FAF2: variants seen among roughly 807,000 people sequenced by gnomAD.
FAF2 encodes FAS-associated factor 2.
In FAF2, 9 loss-of-function variants were observed where a neutral mutation model predicts 62.3. The ratio of observed to expected loss-of-function variants is 0.14; its 90% confidence interval spans 0.09 to 0.25. The LOEUF (loss-of-function observed/expected upper bound fraction) is 0.25, where lower values mean the gene tolerates loss of function less well. Ranked by LOEUF, FAF2 falls within the 10% of genes least tolerant of loss-of-function variation. The probability of loss-of-function intolerance (pLI) is 1.00; values close to 1 mark genes in which losing one functional copy is unlikely to be tolerated. For synonymous variants in FAF2, 202 were observed against 198.0 expected, an observed-to-expected ratio of 1.02 and a Z score of -0.17; for missense variants, 368 against 556.2, an observed-to-expected ratio of 0.66 and a Z score of 3.40.
intron 5 of FAF2, among the ~76,000 whole-genome samples, chr5:176,492,533 C>T (rs901275595): frequency 6.6e-6 from 1 of 152,180 alleles, no homozygotes. Flanking sequence ...CTTTTGAGGT[C>T]TTTTCTGCAT....
intron 1 of FAF2, among the ~76,000 whole-genome samples, chr5:176,457,220 G>T (rs571682907): frequency 6.6e-6 from 1 of 151,990 alleles, no homozygotes; most frequent in African/African-American, 2.4e-5. Context: ...ACGGAGTTTC[G>T]CTGTTGTCCC....
At chr5:176,469,784 G>T (rs1446715118) in intron 1 of FAF2, among the ~76,000 whole-genome samples, 1 of 152,180 alleles carries the variant, frequency 6.6e-6, no homozygotes. Context: ...GTAAATTGTT[G>T]TAGCCAGTTA....
At chr5:176,465,104 T>C (rs1758440300) in intron 1 of FAF2, among the ~76,000 whole-genome samples, 3 of 152,172 alleles carry the variant, frequency 2.0e-5, no homozygotes, top group African/African-American at 7.2e-5. Context: ...TTGGCCAGGC[T>C]GGTCTTGAAC....
intron 4 of FAF2, among the ~76,000 whole-genome samples, chr5:176,490,139 GTC>G (rs943164893): frequency 6.6e-6 from 1 of 151,962 alleles, no homozygotes. Flanking sequence ...GTGAAACCCT[GTC>G]TCTACTAAAA....
rs1755488166 is a variant in FAF2 at position 176,496,502 on chromosome 5, A to T, written c.678A>T (p.Arg226=). 1 of 1,599,912 alleles carries T rather than the reference A, an allele frequency of 6.3e-7. No homozygotes were observed. ...TTTTATCAGTCTCACAGGCTTTACG[A>T]GAGAACACCTATCCATTCCTGGCCA... is the stretch of plus-strand genomic sequence containing the variant. ...PEGYRVSQAL[R]ENTYPFLAMI... Residue 226 remains arginine, a synonymous_variant, in exon 8 of 11, where the codon CGA becomes CGT. Coordinates refer to ENST00000261942, the MANE Select transcript of FAF2 (RefSeq NM_014613.3).
intron 5 of FAF2, among the ~76,000 whole-genome samples, chr5:176,493,742 C>T (rs1163413941): frequency 6.6e-6 from 1 of 152,172 alleles, no homozygotes; most frequent in Non-Finnish European, 1.5e-5. Flanking sequence ...TGTCTACTCT[C>T]ATGTGTCTGT....
At chr5:176,502,565 T>C (rs565509441) in intron 10 of FAF2, among the ~76,000 whole-genome samples, 1 of 149,220 alleles carries the variant, frequency 6.7e-6, no homozygotes, top group South Asian at 2.1e-4. Flanking sequence ...GGGCAACAAG[T>C]GTGAAACTCT....
intron 1 of FAF2, among the ~76,000 whole-genome samples, chr5:176,470,297 G>T (rs1193597064): frequency 1.3e-5 from 2 of 152,250 alleles, no homozygotes; most frequent in African/African-American, 4.8e-5. Flanking sequence ...AACTTTACCA[G>T]CCGGGTGCGG....
chr5:176,505,352 A>G (rs1755657527), intron 10 of FAF2, among the ~76,000 whole-genome samples: 1 of 152,176 alleles, frequency 6.6e-6, no homozygotes, highest in South Asian at 2.1e-4. Context: ...CTCTCCTAAT[A>G]CTGCCTCCCT....
chr5:176,479,007 CT>C (rs1232708807), intron 1 of FAF2, among the ~76,000 whole-genome samples, 180 bp from the exon 2 acceptor site: 5 of 152,116 alleles, frequency 3.3e-5, no homozygotes, highest in African/African-American at 1.2e-4. Flanking sequence ...TTTTTTAGTT[CT>C]TTACGCATCT....
intron 1 of FAF2, among the ~76,000 whole-genome samples, chr5:176,477,237 G>A (rs915725642): frequency 8.0e-6 from 1 of 125,338 alleles, no homozygotes; most frequent in African/African-American, 3.1e-5. Flanking sequence ...GAGCCACCGT[G>A]CCCGGCCTTT....
At chr5:176,500,288 G>A (rs903281490) in intron 10 of FAF2, 142 bp downstream of exon 10, 4 of 814,658 alleles carry the variant, frequency 4.9e-6, no homozygotes, top group African/African-American at 1.7e-5. Flanking sequence ...AGATGGGTAT[G>A]CCATCCGTGG....
chr5:176,475,710 G>C (rs1468249981), intron 1 of FAF2, among the ~76,000 whole-genome samples: 2 of 152,024 alleles, frequency 1.3e-5, no homozygotes, highest in African/African-American at 2.4e-5. Flanking sequence ...GCAGGTTGCA[G>C]TGAGCCGAGA....
chr5:176,499,420 C>G (rs1755553958), intron 9 of FAF2, among the ~76,000 whole-genome samples: 1 of 152,142 alleles, frequency 6.6e-6, no homozygotes, highest in African/African-American at 2.4e-5. Flanking sequence ...AGCCACCATG[C>G]CTGGCCCTAA....
chr5:176,498,231 AAAT>A (rs1483305654), intron 8 of FAF2, among the ~76,000 whole-genome samples: 3 of 152,242 alleles, frequency 2.0e-5, no homozygotes, highest in Admixed American at 6.5e-5. Flanking sequence ...GAGGTAACTG[AAAT>A]GTTCTGTCTT....
intron 10 of FAF2, among the ~76,000 whole-genome samples, chr5:176,504,860 A>G (rs1755649776): frequency 6.6e-6 from 1 of 152,032 alleles, no homozygotes; most frequent in Non-Finnish European, 1.5e-5. Context: ...TGTCTCTACA[A>G]AAAATTTTAA....
intron 10 of FAF2, among the ~76,000 whole-genome samples, chr5:176,501,133 A>AT (rs1260734330): frequency 2.6e-4 from 40 of 151,064 alleles, no homozygotes; most frequent in African/African-American, 9.2e-4. Flanking sequence ...AAAAAAAAAT[A>AT]AATAATAATA....
intron 10 of FAF2, among the ~76,000 whole-genome samples, chr5:176,500,768 G>A (rs1469372580): frequency 1.3e-5 from 2 of 151,370 alleles, no homozygotes; most frequent in Non-Finnish European, 3.0e-5. Flanking sequence ...AGGGTTACTA[G>A]ATGTGTTTCC....
Position 176,465,522 on chromosome 5 carries a change from C to T in FAF2, c.64-13666C>T, listed in dbSNP as rs201573505. On this transcript the variant is annotated intron_variant, in intron 1 of 10. Transcript: ENST00000261942. Reference sequence around the variant, plus strand: ...AGCTGAGATTGCAGGCACCTGCCACCATGCCTGCCTAATTTTTGTATTTTA... The same window carrying T: ...AGCTGAGATTGCAGGCACCTGCCACTATGCCTGCCTAATTTTTGTATTTTA... Among the ~76,000 whole-genome samples, 23 of 151,974 alleles carry T rather than the reference C, an allele frequency of 1.5e-4. No individual in the cohort carries two copies. In the East Asian group the frequency reaches 4.1e-3, roughly 27 times the overall value.
Sources: gnomAD v4.1 joint callset for allele counts (sites outside exome capture counted in the v4.1 genomes callset) on GRCh38, gnomAD v4.1.1 for gene constraint, MANE v1.5 for transcripts, NCBI Gene and HGNC (gene_info 2026-07-23, HGNC 2026-07-21) for gene names.